The following TBX15 variants were observed in gnomAD, a reference collection of about 807,000 sequenced individuals.
The protein encoded by TBX15 is T-box transcription factor TBX15.
Under a neutral mutation model 53.9 loss-of-function variants are expected in TBX15, and 18 were observed. The ratio of observed to expected loss-of-function variants is 0.33; its 90% CI spans 0.23 to 0.49. TBX15 has a LOEUF of 0.49. TBX15 is among the 20% of genes least tolerant of loss of function. TBX15 has a pLI of 0.98. For missense variants in TBX15, 692 were observed against 749.5 expected (o/e 0.92, Z 0.90); for synonymous variants, 295 against 278.0 (o/e 1.06, Z -0.61).
chr1:118,931,586 T>C (rs1655781467), intron 2 of TBX15, 33 bp downstream of exon 2: 1 of 1,611,450 alleles, frequency 6.2e-7, no homozygotes, highest in African/African-American at 1.3e-5. Flanking sequence ...GCAAATTCTT[T>C]GAATCTGGCC....
chr1:118,969,236 C>T (rs959443614), intron 1 of TBX15, among the ~76,000 whole-genome samples: 1 of 152,126 alleles, frequency 6.6e-6, no homozygotes, highest in Non-Finnish European at 1.5e-5. Context: ...GAATAGGACC[C>T]ATTTCACTGT....
chr1:118,927,367 G>A lies in TBX15; in HGVS notation c.420-756C>T, dbSNP rs530351900. Among the ~76,000 whole-genome samples, 235 of 152,236 alleles carry A rather than the reference G, an allele frequency of 1.5e-3. 1 individual carries two copies. Among genetic ancestry groups the A allele is most frequent in the African/African-American group, 5.2e-3 (216 of 41,540 alleles). ...TTACACTCTTCTTATAATCTGAAGA[G>A]CTTTTCAGTTTATTGCAAGTTATCA... On this transcript the variant is annotated intron_variant, in intron 2 of 7. Transcript: ENST00000369429.
chr1:118,987,877 G>T lies in TBX15; in HGVS notation c.-82C>A. On this transcript the variant is annotated 5_prime_UTR_variant, in exon 1 of 8. Transcript: ENST00000369429. ...GCCCTCAAGCTCTGAGCGCCCACCG[G>T]GCCCGGCCCGGGAGAGGCGGAGGCG... 1 of 1,511,910 alleles carries T rather than the reference G, an allele frequency of 6.6e-7. No homozygotes were observed. Among genetic ancestry groups the T allele is most frequent in the African/African-American group, 1.4e-5 (1 of 72,108 alleles). The allele number at this position is 1,511,910 out of a possible 1,614,324, so 93.7% of individuals were successfully genotyped here. A position where few individuals can be genotyped will look rare whatever the true frequency, so the allele number is the denominator to read the frequency against.
chr1:118,918,169 C>T (rs1446359309), intron 5 of TBX15, among the ~76,000 whole-genome samples: 1 of 152,192 alleles, frequency 6.6e-6, no homozygotes, highest in Non-Finnish European at 1.5e-5. Flanking sequence ...CTCTTCTTAA[C>T]TGCATCCTTT....
At chr1:118,901,197 C>G (rs1254211749) in intron 6 of TBX15, among the ~76,000 whole-genome samples, 1 of 152,190 alleles carries the variant, frequency 6.6e-6, no homozygotes, top group Admixed American at 6.6e-5. Context: ...GCTCACAGTT[C>G]TGGAGGCTGA....
intron 7 of TBX15, among the ~76,000 whole-genome samples, chr1:118,893,485 G>GAAAGAAAGAAA (rs1553218199): frequency 2.8e-5 from 2 of 72,122 alleles, no homozygotes; most frequent in South Asian, 5.4e-4. Flanking sequence ...AAGGAAGGAA[G>GAAAGAAAGAAA]GAAAGAAAGA....
chr1:118,952,480 T>A (rs1460377097), intron 1 of TBX15, among the ~76,000 whole-genome samples: 6 of 152,192 alleles, frequency 3.9e-5, no homozygotes, highest in African/African-American at 1.4e-4. Flanking sequence ...AGACTCTAAA[T>A]TCTCAATTAT....
At chr1:118,959,532 A>G (rs1295697504) in intron 1 of TBX15, among the ~76,000 whole-genome samples, 5 of 152,160 alleles carry the variant, frequency 3.3e-5, no homozygotes, top group African/African-American at 1.2e-4. Context: ...AGCTGAACTG[A>G]GCCTTCCCTG....
At chr1:118,929,184 A>C (rs944558720) in intron 2 of TBX15, among the ~76,000 whole-genome samples, 1 of 152,202 alleles carries the variant, frequency 6.6e-6, no homozygotes, top group Admixed American at 6.5e-5. Flanking sequence ...GGGTTGGTAC[A>C]CTCAAAGACT....
intron 1 of TBX15, among the ~76,000 whole-genome samples, chr1:118,956,486 G>A (rs1656694291): frequency 6.6e-6 from 1 of 151,936 alleles, no homozygotes; most frequent in South Asian, 2.1e-4. Flanking sequence ...CTGTGTAAAG[G>A]GTATACATGA....
At chr1:118,951,930 C>T (rs939711195) in intron 1 of TBX15, among the ~76,000 whole-genome samples, 4 of 152,196 alleles carry the variant, frequency 2.6e-5, no homozygotes, top group African/African-American at 4.8e-5. Context: ...CTTCAGCTGG[C>T]AGGAATGTAG....
At chr1:118,923,398 A>G (rs1352325358) in intron 5 of TBX15, 38 bp downstream of exon 5, 3 of 1,613,042 alleles carry the variant, frequency 1.9e-6, no homozygotes, top group Admixed American at 1.7e-5. Context: ...GGACCAAAAA[A>G]CAGATGTAGC....
intron 6 of TBX15, among the ~76,000 whole-genome samples, chr1:118,913,088 T>C (rs1655072927): frequency 6.6e-6 from 1 of 152,208 alleles, no homozygotes; most frequent in African/African-American, 2.4e-5. Context: ...AGCATAAATC[T>C]GGATTTTAAT....
intron 6 of TBX15, among the ~76,000 whole-genome samples, chr1:118,911,999 G>C (rs995009525): frequency 6.6e-6 from 1 of 152,164 alleles, no homozygotes; most frequent in African/African-American, 2.4e-5. Flanking sequence ...TTGCAGTGCA[G>C]ACAATAAATG....
intron 1 of TBX15, among the ~76,000 whole-genome samples, chr1:118,978,728 T>G (rs1657523819): frequency 6.6e-6 from 1 of 152,236 alleles, no homozygotes; most frequent in Non-Finnish European, 1.5e-5. Context: ...GTAAAGTTTC[T>G]GATATATTTT....
intron 1 of TBX15, among the ~76,000 whole-genome samples, chr1:118,943,594 G>A (rs958986051): frequency 6.6e-6 from 1 of 152,168 alleles, no homozygotes; most frequent in African/African-American, 2.4e-5. Context: ...AATGGGCCAG[G>A]GAGCAAACTC....
At chr1:118,987,474 A>G in intron 1 of TBX15, 117 bp downstream of exon 1, 1 of 1,257,416 alleles carries the variant, frequency 8.0e-7, no homozygotes, top group Non-Finnish European at 1.1e-6. Flanking sequence ...ACAGAAACCT[A>G]TGTTGGGGCA....
chr1:118,985,546 G>C (rs910264752), intron 1 of TBX15, among the ~76,000 whole-genome samples: 3 of 152,134 alleles, frequency 2.0e-5, no homozygotes, highest in Admixed American at 2.0e-4. Flanking sequence ...CATTGCGGGG[G>C]CTCCAACTTA....
At chr1:118,924,163 G>A (rs555175441) in intron 4 of TBX15, among the ~76,000 whole-genome samples, 1 of 152,332 alleles carries the variant, frequency 6.6e-6, no homozygotes, top group African/African-American at 2.4e-5. Context: ...TGAAAATTCA[G>A]TATGTGTTTC....
Sources: allele counts gnomAD v4.1 joint callset (sites outside exome capture counted in the v4.1 genomes callset), GRCh38; gene constraint gnomAD v4.1.1; transcripts MANE v1.5; gene names NCBI Gene and HGNC (gene_info 2026-07-23, HGNC 2026-07-21).